The following SSMEM1 variants were observed in gnomAD, a reference collection of about 807,000 sequenced individuals.
The protein encoded by SSMEM1 is serine rich single-pass membrane protein 1, also known as serine-rich single-pass membrane protein 1.
SSMEM1 carries 12 observed loss-of-function variants against 9.9 expected under a neutral mutation model. The observed-to-expected ratio is 1.21, with a 90% CI of 0.78 to 1.96. The LOEUF (loss-of-function observed/expected upper bound fraction) is 1.96, where lower values mean the gene tolerates loss of function less well. SSMEM1 is among the 30% of genes most tolerant of loss of function. The pLI, the probability that SSMEM1 is intolerant of heterozygous loss-of-function variation, is 0.00. For missense variants in SSMEM1, 259 were observed against 292.2 expected, an observed-to-expected ratio of 0.89 and a Z score of 0.83; for synonymous variants, 96 against 98.9, an observed-to-expected ratio of 0.97 and a Z score of 0.17.
chr7:130,212,073 G>A (rs1798602335), intron 1 of SSMEM1, among the ~76,000 whole-genome samples: 1 of 152,122 alleles, frequency 6.6e-6, no homozygotes, highest in African/African-American at 2.4e-5. Context: ...ATATGTCAAA[G>A]GTGTTAATGA....
chr7:130,209,384 C>G (rs955175446), intron 1 of SSMEM1, among the ~76,000 whole-genome samples: 1 of 152,158 alleles, frequency 6.6e-6, no homozygotes, highest in Non-Finnish European at 1.5e-5. Flanking sequence ...ACCACCACCT[C>G]CTGGTGAAGA....
In SSMEM1 at chr7:130,216,111, C is replaced by T. The variant is rs762179379; in HGVS notation, c.376C>T (p.Gln126Ter). ...EVALVNAYPE[Q>*]RRARRQSQFN... is the part of the protein sequence containing the mutation. ...GGCTTTGGTCAATGCCTATCCTGAA[C>T]AAAGACGAGCCAGGCGCCAGTCTCA... The change falls in exon 3 of 3, where the codon CAA becomes TAA. Residue 126 changes from glutamine to a stop codon, truncating the protein, a stop_gained. Coordinates refer to ENST00000297819, the MANE Select transcript of SSMEM1 (RefSeq NM_145268.4). LOFTEE classifies it low-confidence loss of function (END_TRUNC). The T allele has an allele frequency of 6.2e-7, 1 of 1,614,172 alleles. No homozygotes were observed. Among genetic ancestry groups the T allele is most frequent in the African/African-American group, 1.3e-5 (1 of 75,046 alleles).
At chr7:130,206,983 TAA>T (rs530574772), upstream of SSMEM1, 125 of 109,772 alleles carry the variant, frequency 1.1e-3, no homozygotes, top group Middle Eastern at 0.014. Context: ...GAGACCCTGC[TAA>T]AAAAAAAAAA....
At position 130,213,216 on chromosome 7, in the gene SSMEM1, C is replaced by T. The variant is rs188966137; in HGVS notation, c.184-264C>T. ...TACAAAAATTAGCCGGGCGTGGTAG[C>T]GGGCACCTGTAATCCCAGCTACTTG... is the stretch of plus-strand genomic sequence containing the variant. On this transcript the variant is annotated intron_variant, in intron 1 of 2. Transcript: ENST00000297819. 5.9e-5 allele frequency among the ~76,000 whole-genome samples: 9 copies of T among 151,928 alleles called. No individual in the cohort carries two copies. In the Middle Eastern group the frequency reaches 0.01, roughly 172 times the overall value.
At chr7:130,208,914 G>A (rs967781359) in intron 1 of SSMEM1, among the ~76,000 whole-genome samples, 1 of 151,718 alleles carries the variant, frequency 6.6e-6, no homozygotes, top group Non-Finnish European at 1.5e-5. Flanking sequence ...CCAGGCTGGA[G>A]TGAAGTGGTG....
chr7:130,211,473 T>C (rs1488509513), intron 1 of SSMEM1, among the ~76,000 whole-genome samples: 1 of 152,174 alleles, frequency 6.6e-6, no homozygotes, highest in Admixed American at 6.6e-5. Flanking sequence ...AGTGGTATCT[T>C]AAAAGTGAAC....
chr7:130,205,476 G>A (rs1798425960), upstream of SSMEM1: 2 of 1,573,232 alleles, frequency 1.3e-6, no homozygotes. Flanking sequence ...AAAGTTACCG[G>A]AAGAACTAGG....
rs189237675 is a variant in SSMEM1 at position 130,216,318 on chromosome 7, G to T, written c.583G>T (p.Glu195Ter). ...QRNLGSYQMS[E>*]RHCLHCKALR... Reference sequence around the variant, plus strand: ...GAATCTGGGAAGTTACCAAATGAGCGAAAGGCACTGCCTCCACTGCAAAGC... The same window carrying T: ...GAATCTGGGAAGTTACCAAATGAGCTAAAGGCACTGCCTCCACTGCAAAGC... Residue 195 changes from glutamate (E) to a stop codon, truncating the protein, a stop_gained, in exon 3 of 3, where the codon GAA becomes TAA. Coordinates refer to ENST00000297819, the MANE Select transcript of SSMEM1 (RefSeq NM_145268.4). LOFTEE classifies it high-confidence loss of function. 62 of 1,614,180 alleles carry T rather than the reference G, an allele frequency of 3.8e-5. 1 individual carries two copies. In the East Asian group the frequency reaches 5.6e-4, roughly 15 times the overall value.
chr7:130,212,580 C>T (rs527961609), intron 1 of SSMEM1, among the ~76,000 whole-genome samples: 1 of 151,806 alleles, frequency 6.6e-6, no homozygotes, highest in Non-Finnish European at 1.5e-5. Context: ...ACAAAATTAG[C>T]CGGGCGTGGT....
intron 1 of SSMEM1, among the ~76,000 whole-genome samples, chr7:130,210,697 C>A (rs555924854): frequency 1.3e-5 from 2 of 152,288 alleles, no homozygotes; most frequent in South Asian, 4.2e-4. Flanking sequence ...CTACTCTGCC[C>A]CTCAGGGCAG....
chr7:130,213,929 G>A (rs2117062722), intron 2 of SSMEM1, among the ~76,000 whole-genome samples: 1 of 152,192 alleles, frequency 6.6e-6, no homozygotes, highest in South Asian at 2.1e-4. Flanking sequence ...ATGAATTACT[G>A]GGAGGTGGAA....
chr7:130,213,710 A>AAAAG (rs1798646385), intron 2 of SSMEM1, among the ~76,000 whole-genome samples, 176 bp downstream of exon 2: 2 of 119,380 alleles, frequency 1.7e-5, no homozygotes, highest in Admixed American at 9.1e-5. Context: ...AAAAAAAAAA[A>AAAAG]AAAAGAAAAG....
chr7:130,205,480 A>G (rs965664467), upstream of SSMEM1: 20 of 1,567,234 alleles, frequency 1.3e-5, no homozygotes, highest in African/African-American at 2.6e-4. Context: ...TTACCGGAAG[A>G]ACTAGGTAGT....
rs116070436 is a variant in SSMEM1, at chr7:130,210,403, G to T, written c.183+2310G>T. ...TTGAAGTAATGGTAAAAGCACGATG[G>T]AAATGTGGTGGTAATTATCCTCCAA... On this transcript the variant is annotated intron_variant, in intron 1 of 2. Transcript: ENST00000297819. Among the ~76,000 whole-genome samples the T allele has an allele frequency of 3.1e-3, 479 of 152,264 alleles. 4 individuals are homozygous for T. The highest frequency in any genetic ancestry group is 0.011 in the African/African-American group (454 of 41,558).
At chr7:130,210,226 G>T (rs1488559706) in intron 1 of SSMEM1, among the ~76,000 whole-genome samples, 1 of 152,182 alleles carries the variant, frequency 6.6e-6, no homozygotes, top group Non-Finnish European at 1.5e-5. Flanking sequence ...GTACCCTTGT[G>T]GCAGCTACAA....
At chr7:130,207,517 CAG>C (rs1250090927), upstream of SSMEM1, among the ~76,000 whole-genome samples, 1 of 152,132 alleles carries the variant, frequency 6.6e-6, no homozygotes, top group Non-Finnish European at 1.5e-5. Context: ...TTAGGGAACA[CAG>C]TTTGATCGGT....
intron 1 of SSMEM1, among the ~76,000 whole-genome samples, chr7:130,208,785 A>C (rs899254076): frequency 1.3e-5 from 2 of 152,244 alleles, no homozygotes; most frequent in Non-Finnish European, 2.9e-5. Flanking sequence ...AGTCACCACT[A>C]AAATGCCATC....
Position 130,216,666 on chromosome 7 carries a change from G to A in SSMEM1, c.*196G>A, listed in dbSNP as rs1482468691. ...AAAAAAAGGCCATCACGTGTTTATG[G>A]CACCATTGGAACACCAAAGATCTAT... On this transcript the variant is annotated 3_prime_UTR_variant, in exon 3 of 3. Coordinates refer to ENST00000297819, the MANE Select transcript of SSMEM1 (RefSeq NM_145268.4). 3.2e-6 allele frequency: 2 copies of A among 629,682 alleles called. No individual in the cohort carries two copies. Among genetic ancestry groups the A allele is most frequent in the African/African-American group, 1.8e-5 (1 of 54,326 alleles). The allele number at this position is 629,682 out of a possible 1,614,324, so 39.0% of individuals were successfully genotyped here.
chr7:130,207,832 A>G (rs1007677012), upstream of SSMEM1: 5 of 1,466,586 alleles, frequency 3.4e-6, no homozygotes, highest in Non-Finnish European at 4.8e-6. Flanking sequence ...AAATTGTCAT[A>G]CATCATAGAG....
Sources: gnomAD v4.1 joint callset for allele counts (sites outside exome capture counted in the v4.1 genomes callset) on GRCh38, gnomAD v4.1.1 for gene constraint, MANE v1.5 for transcripts, NCBI Gene and HGNC (gene_info 2026-07-23, HGNC 2026-07-21) for gene names.